Variants in PIGZ observed in about 807,000 individuals in gnomAD.
The protein encoded by PIGZ is phosphatidylinositol glycan anchor biosynthesis class Z (Gwada blood group), also known as GPI alpha-1,2-mannosyltransferase 4.
Under a neutral mutation model 16.4 loss-of-function variants are expected in PIGZ, and 16 were observed. That is an observed-to-expected ratio of 0.97 (90% CI 0.66 to 1.48). The LOEUF is 1.48. Ranked by LOEUF, PIGZ falls within the 40% of genes most tolerant of loss-of-function variation. The probability of loss-of-function intolerance (pLI) is 0.00; values close to 1 mark genes in which losing one functional copy is unlikely to be tolerated. For missense variants in PIGZ, 770 were observed against 739.2 expected (o/e 1.04, Z -0.48); for synonymous variants, 409 against 338.4 (o/e 1.21, Z -2.29).
rs551879193 is a variant in PIGZ at position 196,951,971 on chromosome 3, C to T, written c.61G>A (p.Gly21Ser). The change falls in exon 2 of 3, where the codon GGC (glycine) becomes AGC (serine). Residue 21 changes from glycine to serine, a missense_variant. Transcript: ENST00000412723. Reference sequence around the variant, plus strand: ...TCCAGTTGTTGCCAACACACCGGGCCCAAAACCTGGAATGATGTCCCAGCT... The same window carrying T: ...TCCAGTTGTTGCCAACACACCGGGCTCAAAACCTGGAATGATGTCCCAGCT... ...VAAGTSFQVLGPVCWQQLDLK... is the reference protein window; with the variant it reads ...VAAGTSFQVLSPVCWQQLDLK... 2 of 1,614,038 alleles carry T rather than the reference C, an allele frequency of 1.2e-6. No individual in the cohort carries two copies. Among genetic ancestry groups the T allele is most frequent in the Non-Finnish European group, 1.7e-6 (2 of 1,180,040 alleles).
chr3:196,955,224 C>G (rs1717432177), intron 1 of PIGZ, among the ~76,000 whole-genome samples: 1 of 152,200 alleles, frequency 6.6e-6, no homozygotes, highest in Non-Finnish European at 1.5e-5. Flanking sequence ...CCTTGCCTGG[C>G]CCAAATCTTT....
chr3:196,963,346 T>A lies in PIGZ; in HGVS notation c.-1+5341A>T, dbSNP rs56216372. On this transcript the variant is annotated intron_variant, in intron 1 of 2. Coordinates refer to ENST00000412723, the MANE Select transcript of PIGZ (RefSeq NM_025163.4). ...AAGTCCCTGCATCCTATGGTAACTT[T>A]ATGTTTAATCATTTGGGGAAACTTC... 7.4e-3 allele frequency among the ~76,000 whole-genome samples: 1,127 copies of A among 152,350 alleles called. 19 individuals carry two copies. Among genetic ancestry groups the A allele is most frequent in the African/African-American group, 0.026 (1,070 of 41,576 alleles).
intron 2 of PIGZ, among the ~76,000 whole-genome samples, chr3:196,949,591 C>T (rs1717179961): frequency 6.6e-6 from 1 of 152,204 alleles, no homozygotes; most frequent in African/African-American, 2.4e-5. Context: ...AGCAGAGAGC[C>T]CGTGCTGCCC....
chr3:196,947,493 G>A lies in PIGZ; in HGVS notation c.1404C>T (p.Pro468=), dbSNP rs147586057. 12,995 of 1,613,688 alleles carry A rather than the reference G, an allele frequency of 8.1e-3. 91 individuals are homozygous for A. Among genetic ancestry groups the A allele is most frequent in the South Asian group, 0.011 (1,026 of 91,084 alleles). ...CTGGGAGGTGTAGGAGGTGCCGGGG[G>A]GGCATGTAGGTGTGAGTGAAGAGGA... ...YTLLFTHTYM[P]PRHLLHLPGL... Residue 468 remains proline, a synonymous_variant, in exon 3 of 3, where the codon CCC becomes CCT. Transcript: ENST00000412723.
rs1263018694 is a variant in PIGZ at position 196,965,172 on chromosome 3, C to T, written c.-1+3515G>A. 1.3e-5 allele frequency among the ~76,000 whole-genome samples: 2 copies of T among 152,210 alleles called. No individual in the cohort carries two copies. The highest frequency in any genetic ancestry group is 2.9e-5 in the Non-Finnish European group (2 of 68,044). ...TTCTCACACTGCTATAAAGAACTGC[C>T]CAAGACTGGGCAATTTCTAAATAAA... is the stretch of plus-strand genomic sequence containing the variant. On this transcript the variant is annotated intron_variant, in intron 1 of 2. Transcript: ENST00000412723. This position sits in a 1 kb window ranked among gnomAD's most constrained non-coding sequence, Gnocchi z 4.2.
rs1717898050 is a variant in PIGZ, at chr3:196,965,717, G to A, written c.-1+2970C>T. The stretch of plus-strand genomic sequence containing the variant: ...GCTGGCTGTGCAGAATCTTTGGATG[G>A]CTGGAGGCCCTGGGTTGGTTGTTTC... On this transcript the variant is annotated intron_variant, in intron 1 of 2. Transcript: ENST00000412723. This position sits in a 1 kb window ranked among gnomAD's most constrained non-coding sequence, Gnocchi z 4.2. Among the ~76,000 whole-genome samples the A allele has an allele frequency of 6.6e-6, 1 of 152,140 alleles. No individual in the cohort carries two copies. Among genetic ancestry groups the A allele is most frequent in the Non-Finnish European group, 1.5e-5 (1 of 68,046 alleles).
Position 196,946,960 on chromosome 3 carries a change from A to G in PIGZ, c.*197T>C, listed in dbSNP as rs56890907. On this transcript the variant is annotated 3_prime_UTR_variant, in exon 3 of 3. Transcript: ENST00000412723. ...CTTGACATCAAGACCGACAGGTCAA[A>G]TCTTTGGTCTCAGGGAGAAGAGTGC... The G allele has an allele frequency of 0.05, 25,661 of 516,260 alleles. 1,855 individuals carry two copies. The highest frequency in any genetic ancestry group is 0.24 in the African/African-American group (12,540 of 51,974). The allele number at this position is 516,260 out of a possible 1,614,324, so 32.0% of individuals were successfully genotyped here.
At chr3:196,961,320 C>T (rs532424220) in intron 1 of PIGZ, among the ~76,000 whole-genome samples, 3 of 152,208 alleles carry the variant, frequency 2.0e-5, no homozygotes, top group Non-Finnish European at 4.4e-5. Context: ...GGGGATTCAG[C>T]CTAGAGCTTG....
rs1717046811 is a variant in PIGZ, at chr3:196,948,522, C to T, written c.375G>A (p.Leu125=). The stretch of plus-strand genomic sequence containing the variant: ...TGAGGAGGAGTCGAGGCCCCACCAG[C>T]AGCGCATAGCCGCTCACCAGGCCAG... ...PWPGLVSGYA[L]LVGPRLLLTA... is the part of the protein sequence containing the mutation. Residue 125 remains leucine (L), a synonymous_variant, in exon 3 of 3, where the codon CTG becomes CTA. Coordinates refer to ENST00000412723, the MANE Select transcript of PIGZ (RefSeq NM_025163.4). The T allele has an allele frequency of 6.2e-7, 1 of 1,611,210 alleles. No homozygotes were observed. The highest frequency in any genetic ancestry group is 8.5e-7 in the Non-Finnish European group (1 of 1,178,682).
chr3:196,948,798 C>T (rs1717065586), intron 2 of PIGZ, 113 bp from the exon 3 acceptor site: 1 of 710,152 alleles, frequency 1.4e-6, no homozygotes, highest in Non-Finnish European at 2.1e-6. Flanking sequence ...TGCGTAATCC[C>T]TGGGACTGTG....
In PIGZ at chr3:196,948,941, T is replaced by C. The variant is rs1211584638; in HGVS notation, c.212-256A>G. Among the ~76,000 whole-genome samples the C allele has an allele frequency of 4.5e-3, 39 of 8,740 alleles. 8 individuals are homozygous for C. Among genetic ancestry groups the C allele is most frequent in the East Asian group, 0.083 (2 of 24 alleles). 5.7% of individuals were successfully genotyped at this position (8,740 alleles called of 152,430 possible). On this transcript the variant is annotated intron_variant, in intron 2 of 2. Coordinates refer to ENST00000412723, the MANE Select transcript of PIGZ (RefSeq NM_025163.4). ...TTCCCTTCCTTCCCTTTACTTCCCT[T>C]CCTTCCCCTCCCCTCCCTTCCTTCC...
chr3:196,961,794 ATATAAT>A (rs1717731994), intron 1 of PIGZ, among the ~76,000 whole-genome samples: 1 of 152,210 alleles, frequency 6.6e-6, no homozygotes, highest in South Asian at 2.1e-4. Flanking sequence ...GTTTATTGAA[ATATAAT>A]TAATATACCG....
rs751352710 is a variant in PIGZ, at chr3:196,951,868, C to G, written c.164G>C (p.Gly55Ala). 26 of 1,614,056 alleles carry G rather than the reference C, an allele frequency of 1.6e-5. No homozygotes were observed. Among genetic ancestry groups the G allele is most frequent in the Non-Finnish European group, 2.1e-5 (25 of 1,180,030 alleles). ...RVLWCLLPQT[G>A]YVHPDEFFQS... ...GAAGAACTCATCTGGGTGCACATAG[C>G]CCGTCTGCGGAAGGAGACACCACAG... is the stretch of plus-strand genomic sequence containing the variant. Residue 55 changes from glycine (G) to alanine (A), a missense_variant, in exon 2 of 3, where the codon GGC becomes GCC. Gly to Ala is a moderately conservative substitution (Grantham distance 60). Coordinates refer to ENST00000412723, the MANE Select transcript of PIGZ (RefSeq NM_025163.4).
rs777954744 is a variant in PIGZ at position 196,947,766 on chromosome 3, A to G, written c.1131T>C (p.Pro377=). 2 of 1,611,056 alleles carry G rather than the reference A, an allele frequency of 1.2e-6. No individual in the cohort carries two copies. Among genetic ancestry groups the G allele is most frequent in the African/African-American group, 2.7e-5 (2 of 74,854 alleles). The stretch of plus-strand genomic sequence containing the variant: ...GGCTAAAGGCAGATAGCAGGGCCAG[A>G]GGCATGAAGTAGAGGAGAAGGAGAT... ...RSYLLLLYFM[P]LALLSAFSHQ... Residue 377 remains proline (P), a synonymous_variant, in exon 3 of 3, where the codon CCT becomes CCC. Transcript: ENST00000412723.
chr3:196,966,111 T>A (rs912264391), intron 1 of PIGZ, among the ~76,000 whole-genome samples: 41 of 152,338 alleles, frequency 2.7e-4, no homozygotes, highest in African/African-American at 9.1e-4. Flanking sequence ...TGCAGCCCTC[T>A]CCTCTATTCC....
chr3:196,949,814 T>G (rs918169682), intron 2 of PIGZ, among the ~76,000 whole-genome samples: 1 of 151,736 alleles, frequency 6.6e-6, no homozygotes, highest in Non-Finnish European at 1.5e-5. Context: ...TTCTCAGGGT[T>G]CCAAGATCTC....
intron 1 of PIGZ, among the ~76,000 whole-genome samples, chr3:196,967,937 T>C (rs921993476): frequency 1.2e-4 from 18 of 152,116 alleles, no homozygotes; most frequent in African/African-American, 3.9e-4. Flanking sequence ...GTGTTGACGA[T>C]TTTGAAAGTA....
rs1353743206 is a variant in PIGZ, at chr3:196,947,112, A to G, written c.*45T>C. On this transcript the variant is annotated 3_prime_UTR_variant, in exon 3 of 3. Coordinates refer to ENST00000412723, the MANE Select transcript of PIGZ (RefSeq NM_025163.4). ...CTACCCAAGTAGAAGGTGGGGCGGC[A>G]TCTTCTATGGCTGAGTCTTGGGCAG... is the stretch of plus-strand genomic sequence containing the variant. 4.7e-6 allele frequency: 7 copies of G among 1,498,142 alleles called. No homozygotes were observed. The highest frequency in any genetic ancestry group is 2.8e-5 in the African/African-American group (2 of 71,402). 92.8% of individuals were successfully genotyped at this position (1,498,142 alleles called of 1,614,324 possible).
rs367873566 is a variant in PIGZ, at chr3:196,948,663, G to A, written c.234C>T (p.Ala78=). 2.4e-4 allele frequency: 355 copies of A among 1,459,280 alleles called. No homozygotes were observed. The highest frequency in any genetic ancestry group is 2.8e-4 in the Non-Finnish European group (313 of 1,108,174). The allele number at this position is 1,459,280 out of a possible 1,614,324, so 90.4% of individuals were successfully genotyped here. A position where few individuals can be genotyped will look rare whatever the true frequency, so the allele number is the denominator to read the frequency against. Reference sequence around the variant, plus strand: ...TGGGGTAAAACTCCCAGGGCCGCGCGGCCTGAACGCCCAGGATGTCCTCTG... The same window carrying A: ...TGGGGTAAAACTCCCAGGGCCGCGCAGCCTGAACGCCCAGGATGTCCTCTG... ...VMAEDILGVQ[A]ARPWEFYPSS... is the part of the protein sequence containing the mutation. The change falls in exon 3 of 3, where the codon GCC becomes GCT. Residue 78 remains alanine, a synonymous_variant. Coordinates refer to ENST00000412723, the MANE Select transcript of PIGZ (RefSeq NM_025163.4).
Sources: gnomAD v4.1 joint callset for allele counts (sites outside exome capture counted in the v4.1 genomes callset) on GRCh38, gnomAD v4.1.1 for gene constraint, Gnocchi (gnomAD v3.1) non-coding constraint, MANE v1.5 for transcripts, NCBI Gene and HGNC (gene_info 2026-07-23, HGNC 2026-07-21) for gene names.